The following SPAG16 variants were observed in gnomAD, a reference collection of about 807,000 sequenced individuals.
SPAG16 encodes sperm-associated antigen 16 protein.
A neutral mutation model predicts 80.4 loss-of-function variants in SPAG16; 86 were observed. The ratio of observed to expected loss-of-function variants is 1.07; its 90% CI spans 0.90 to 1.28. SPAG16 has a LOEUF of 1.28. Ranked by LOEUF, SPAG16 falls within the 50% of genes most tolerant of loss-of-function variation. The pLI is 0.00. For missense variants in SPAG16, 870 were observed against 765.3 expected (o/e 1.14, Z -1.61); for synonymous variants, 294 against 265.9 (o/e 1.11, Z -1.03).
At chr2:214,060,849 ATATAT>A (rs1265429833) in intron 13 of SPAG16, among the ~76,000 whole-genome samples, 4 of 152,206 alleles carry the variant, frequency 2.6e-5, no homozygotes, top group African/African-American at 9.6e-5. Context: ...CCAAAATAAA[ATATAT>A]TATAAAACTA....
chr2:213,768,595 G>T (rs1216195361), intron 10 of SPAG16, among the ~76,000 whole-genome samples: 3 of 152,170 alleles, frequency 2.0e-5, no homozygotes, highest in African/African-American at 7.2e-5. Flanking sequence ...GTTGGAAAAT[G>T]ATACCATTTG....
intron 9 of SPAG16, among the ~76,000 whole-genome samples, chr2:213,470,025 G>T (rs1424430088): frequency 6.6e-6 from 1 of 152,172 alleles, no homozygotes; most frequent in East Asian, 1.9e-4. Context: ...ATCACTAGAA[G>T]TGATGGTGAG....
intron 10 of SPAG16, among the ~76,000 whole-genome samples, chr2:213,653,789 T>C (rs2063112839): frequency 6.6e-6 from 1 of 152,174 alleles, no homozygotes; most frequent in African/African-American, 2.4e-5. Context: ...TTAATTTCTG[T>C]CATATAAATC....
intron 9 of SPAG16, among the ~76,000 whole-genome samples, chr2:213,415,044 A>G (rs1033866723): frequency 6.6e-6 from 1 of 152,228 alleles, no homozygotes. Context: ...TGATTCAATT[A>G]TCTCCCACCA....
At chr2:213,789,620 C>A (rs552247028) in intron 10 of SPAG16, among the ~76,000 whole-genome samples, 1 of 151,876 alleles carries the variant, frequency 6.6e-6, no homozygotes. Context: ...TTTGACAGTT[C>A]GGCTCAGTGA....
intron 10 of SPAG16, among the ~76,000 whole-genome samples, chr2:213,725,708 T>C (rs2066737988): frequency 6.6e-6 from 1 of 152,190 alleles, no homozygotes; most frequent in South Asian, 2.1e-4. Flanking sequence ...GGGATGGAGT[T>C]AATGGAGTTG....
rs529816533 is a variant in SPAG16, at chr2:214,341,326, AAGAG to A, written c.1721-68811_1721-68808del. On this transcript the variant is annotated intron_variant, in intron 15 of 15. Transcript: ENST00000331683. Reference sequence around the variant, plus strand: ...AGCAGTTCTAGAAAGAAAAAATTAAAAGAGAGGGAGGATAGCAAATAAATGATAA... The same window carrying A: ...AGCAGTTCTAGAAAGAAAAAATTAAAAGGGAGGATAGCAAATAAATGATAA... Among the ~76,000 whole-genome samples the A allele has an allele frequency of 4.1e-3, 619 of 152,290 alleles. 7 individuals are homozygous for A. Among genetic ancestry groups the A allele is most frequent in the African/African-American group, 0.014 (580 of 41,576 alleles).
At chr2:213,979,127 A>G (rs932362985) in intron 12 of SPAG16, among the ~76,000 whole-genome samples, 1 of 152,064 alleles carries the variant, frequency 6.6e-6, no homozygotes, top group Admixed American at 6.6e-5. Flanking sequence ...ATCTGGTACA[A>G]TGTAGACAGG....
rs547564918 is a variant in SPAG16 at position 213,560,557 on chromosome 2, T to C, written c.1070+70467T>C. 7.2e-5 allele frequency among the ~76,000 whole-genome samples: 11 copies of C among 152,318 alleles called. No homozygotes were observed. The East Asian group carries it at 2.1e-3, about 29-fold the overall frequency. ...GAAAAATGAATAATGAAAGATTCTCTAAATTTATATTCTCAGATCCCTTTC... is the reference window on the plus strand; with the variant it reads ...GAAAAATGAATAATGAAAGATTCTCCAAATTTATATTCTCAGATCCCTTTC... On this transcript the variant is annotated intron_variant, in intron 10 of 15. Coordinates refer to ENST00000331683, the MANE Select transcript of SPAG16 (RefSeq NM_024532.5).
chr2:213,554,174 G>T (rs1476943084), intron 10 of SPAG16, among the ~76,000 whole-genome samples: 1 of 152,166 alleles, frequency 6.6e-6, no homozygotes, highest in African/African-American at 2.4e-5. Flanking sequence ...ACATTAAAAA[G>T]TATCACCATC....
At chr2:214,113,800 C>G (rs1217227003) in intron 14 of SPAG16, among the ~76,000 whole-genome samples, 1 of 152,144 alleles carries the variant, frequency 6.6e-6, no homozygotes, top group Non-Finnish European at 1.5e-5. Flanking sequence ...TTTGTTATTA[C>G]CGACCTTCTG....
chr2:213,367,469 A>G (rs1233143085), intron 8 of SPAG16, among the ~76,000 whole-genome samples: 4 of 152,392 alleles, frequency 2.6e-5, no homozygotes, highest in South Asian at 2.1e-4. Context: ...TGACTTTTTA[A>G]TGATCGCCAT....
intron 14 of SPAG16, among the ~76,000 whole-genome samples, chr2:214,131,242 AC>A (rs2054752873): frequency 6.6e-6 from 1 of 152,002 alleles, no homozygotes; most frequent in Non-Finnish European, 1.5e-5. Flanking sequence ...ATTGGCATGC[AC>A]CTGTGGTCCT....
chr2:213,831,034 C>CT (rs34523016), intron 10 of SPAG16, among the ~76,000 whole-genome samples: 1,454 of 80,814 alleles, frequency 0.018, 70 homozygotes, highest in African/African-American at 0.037. Context: ...TGAAACATGA[C>CT]TTTTTTTTTT....
At chr2:214,132,898 G>A (rs889419869) in intron 14 of SPAG16, among the ~76,000 whole-genome samples, 1 of 152,056 alleles carries the variant, frequency 6.6e-6, no homozygotes, top group Admixed American at 6.6e-5. Context: ...TTCGAGACCA[G>A]CCTGACCAAC....
chr2:213,839,825 A>G (rs2074280582), intron 10 of SPAG16, among the ~76,000 whole-genome samples: 2 of 152,188 alleles, frequency 1.3e-5, no homozygotes, highest in South Asian at 4.1e-4. Context: ...TTCATGAGCT[A>G]CCGTTTAAAA....
At chr2:214,011,792 AAAGGG>A (rs1320134523) in intron 12 of SPAG16, among the ~76,000 whole-genome samples, 13 of 152,118 alleles carry the variant, frequency 8.5e-5, no homozygotes, top group Non-Finnish European at 1.9e-4. Context: ...CTTTGATGAG[AAAGGG>A]AAGTGTTGCT....
chr2:214,258,471 G>GTGTGTGTGTATATATATATATATATA (rs1553539128), intron 15 of SPAG16, among the ~76,000 whole-genome samples: 21 of 141,444 alleles, frequency 1.5e-4, no homozygotes, highest in African/African-American at 5.5e-4. Context: ...ATGTGTGTGT[G>GTGTGTGTGTATATATATATATATATA]TATATATATA....
chr2:214,334,500 AT>A lies in SPAG16; in HGVS notation c.1721-75638del, dbSNP rs371595218. Among the ~76,000 whole-genome samples, 1,084 of 152,308 alleles carry A rather than the reference AT, an allele frequency of 7.1e-3. 10 individuals are homozygous for A. Among genetic ancestry groups the A allele is most frequent in the African/African-American group, 0.025 (1,045 of 41,576 alleles). On this transcript the variant is annotated intron_variant, in intron 15 of 15. Coordinates refer to ENST00000331683, the MANE Select transcript of SPAG16 (RefSeq NM_024532.5). ...ATAGCAAATTTTCTGAAGACTGAGAATTCCATCTTCTCTGCAATTCTGCCAC... is the reference window on the plus strand; with the variant it reads ...ATAGCAAATTTTCTGAAGACTGAGAATCCATCTTCTCTGCAATTCTGCCAC...
Sources: allele counts gnomAD v4.1 joint callset (sites outside exome capture counted in the v4.1 genomes callset), GRCh38; gene constraint gnomAD v4.1.1; transcripts MANE v1.5; gene names NCBI Gene and HGNC (gene_info 2026-07-23, HGNC 2026-07-21).